THOC5: variants seen among roughly 807,000 people sequenced by gnomAD.
THOC5 encodes THO complex subunit 5.
THOC5 carries 43 observed loss-of-function variants against 92.9 expected under a neutral mutation model. The ratio of observed to expected loss-of-function variants is 0.46; its 90% confidence interval spans 0.36 to 0.60. The LOEUF (loss-of-function observed/expected upper bound fraction) is 0.60, where lower values mean the gene tolerates loss of function less well. THOC5 is among the 20% of genes least tolerant of loss of function. The pLI, the probability that THOC5 is intolerant of heterozygous loss-of-function variation, is 0.00. For synonymous variants in THOC5, 296 were observed against 320.1 expected, an observed-to-expected ratio of 0.92 and a Z score of 0.80; for missense variants, 659 against 849.4, an observed-to-expected ratio of 0.78 and a Z score of 2.79.
rs74733154 is a variant in THOC5 at position 29,525,349 on chromosome 22, T to G, written c.1175+489A>C. ...GGGATGCGATGATGGCTGTCATTAC[T>G]GTGCCTCTGCTCACTCTTCTCAAAA... On this transcript the variant is annotated intron_variant, in intron 12 of 19. Transcript: ENST00000490103. Among the ~76,000 whole-genome samples, 1,305 of 152,258 alleles carry G rather than the reference T, an allele frequency of 8.6e-3. 14 individuals are homozygous for G. The highest frequency in any genetic ancestry group is 0.03 in the African/African-American group (1,254 of 41,540).
intron 6 of THOC5, among the ~76,000 whole-genome samples, chr22:29,539,109 C>CAAAA (rs373724250): frequency 2.7e-5 from 1 of 36,824 alleles, no homozygotes; most frequent in Non-Finnish European, 5.5e-5. Flanking sequence ...GACTCCATCT[C>CAAAA]AAAAAAAAAA....
intron 9 of THOC5, chr22:29,528,860 C>A: frequency 2.0e-6 from 1 of 504,596 alleles, no homozygotes; most frequent in East Asian, 3.4e-5. Context: ...CTTATTTAAT[C>A]CACATAACAA....
chr22:29,544,592 G>A lies in THOC5; in HGVS notation c.108C>T (p.Tyr36=), dbSNP rs2063975425. 1 of 1,611,370 alleles carries A rather than the reference G, an allele frequency of 6.2e-7. No homozygotes were observed. The highest frequency in any genetic ancestry group is 1.3e-5 in the African/African-American group (1 of 74,794). ...NRSDTEQEGK[Y]YSEEAEVDLR... is the part of the protein sequence containing the mutation. ...GATCCACCTCGGCCTCCTCACTGTA[G>A]TATTTACCTTCCTGTAGAGGTAAGG... Residue 36 remains tyrosine (Y), a synonymous_variant, in exon 3 of 20, where the codon TAC becomes TAT. Coordinates refer to ENST00000490103, the MANE Select transcript of THOC5 (RefSeq NM_003678.5).
chr22:29,545,479 C>T (rs927651636), intron 2 of THOC5, among the ~76,000 whole-genome samples: 2 of 152,250 alleles, frequency 1.3e-5, no homozygotes, highest in East Asian at 1.9e-4. Context: ...AAGCCCCTTC[C>T]GCCTATGAGC....
intron 2 of THOC5, among the ~76,000 whole-genome samples, chr22:29,546,506 T>G (rs1396024684): frequency 6.6e-6 from 1 of 152,110 alleles, no homozygotes; most frequent in African/African-American, 2.4e-5. Flanking sequence ...CTCAGTTCAC[T>G]GCAACCTCTG....
rs2063974515 is a variant in THOC5, at chr22:29,544,563, C to T, written c.137G>A (p.Arg46Gln). The change falls in exon 3 of 20, where the codon CGG becomes CAG. Residue 46 changes from arginine (R) to glutamine (Q), a missense_variant. By Grantham distance (43) the Arg-to-Gln change is conservative. Coordinates refer to ENST00000490103, the MANE Select transcript of THOC5 (RefSeq NM_003678.5). ...YYSEEAEVDL[R>Q]DPGRDYELYK... ...TAACTCATAGTCTCTGCCAGGGTCC[C>T]GCAGATCCACCTCGGCCTCCTCACT... is the stretch of plus-strand genomic sequence containing the variant. 12 of 1,613,628 alleles carry T rather than the reference C, an allele frequency of 7.4e-6. No homozygotes were observed. Among genetic ancestry groups the T allele is most frequent in the East Asian group, 2.2e-5 (1 of 44,842 alleles).
At chr22:29,529,333 T>A in intron 8 of THOC5, 94 bp from the exon 9 acceptor site, 2 of 1,287,102 alleles carry the variant, frequency 1.6e-6, no homozygotes, top group Non-Finnish European at 2.2e-6. Flanking sequence ...TTCTCCCACC[T>A]CTGCCCAGCT....
At chr22:29,520,755 C>T (rs538220494) in intron 13 of THOC5, among the ~76,000 whole-genome samples, 1 of 152,354 alleles carries the variant, frequency 6.6e-6, no homozygotes, top group South Asian at 2.1e-4. Flanking sequence ...TTTGGCCTTC[C>T]AAAGTGCTGG....
At chr22:29,516,372 G>T (rs1326723671) in intron 17 of THOC5, among the ~76,000 whole-genome samples, 2 of 152,194 alleles carry the variant, frequency 1.3e-5, no homozygotes, top group African/African-American at 4.8e-5. Context: ...AAAGAGTTCA[G>T]CCTTTCCTTA....
At chr22:29,515,663 CAAA>C (rs202113737) in intron 17 of THOC5, among the ~76,000 whole-genome samples, 54 of 55,194 alleles carry the variant, frequency 9.8e-4, no homozygotes, top group African/African-American at 3.2e-3. Context: ...CTTATCTCTA[CAAA>C]AAAAAAAAAA....
chr22:29,528,474 C>A lies in THOC5; in HGVS notation c.926-8G>T, dbSNP rs1178088363. The A allele has an allele frequency of 1.1e-5, 17 of 1,612,936 alleles. No homozygotes were observed. The highest frequency in any genetic ancestry group is 1.4e-5 in the Non-Finnish European group (17 of 1,180,016). ...CTGAGTCACTCTCGTCATCTGCAGC[C>A]ACAGAGAGAAGGCAGCTAGAGGTGA... On this transcript the variant is annotated splice_region_variant and splice_polypyrimidine_tract_variant and intron_variant, in intron 9 of 19. Coordinates refer to ENST00000490103, the MANE Select transcript of THOC5 (RefSeq NM_003678.5).
chr22:29,520,865 CA>C (rs1347014952), intron 13 of THOC5, 132 bp downstream of exon 13: 1 of 696,290 alleles, frequency 1.4e-6, no homozygotes, highest in Non-Finnish European at 2.6e-6. Flanking sequence ...AAAGAACAAA[CA>C]TTTCCTTCTA....
At chr22:29,511,054 C>G in intron 19 of THOC5, 52 bp downstream of exon 19, 1 of 1,571,922 alleles carries the variant, frequency 6.4e-7, no homozygotes, top group Non-Finnish European at 8.7e-7. Context: ...TGGCTCTGAT[C>G]TCTGTCCCAC....
chr22:29,510,546 C>T (rs1569204882), intron 19 of THOC5, among the ~76,000 whole-genome samples: 2 of 152,118 alleles, frequency 1.3e-5, no homozygotes, highest in Non-Finnish European at 2.9e-5. Context: ...TGCAAGGCTA[C>T]AGTGGGCTAT....
chr22:29,525,751 A>G, intron 12 of THOC5, 87 bp downstream of exon 12: 1 of 1,064,306 alleles, frequency 9.4e-7, no homozygotes, highest in Non-Finnish European at 1.4e-6. Flanking sequence ...CTCCAGAGCC[A>G]GAGGGAGGAA....
chr22:29,526,463 T>C (rs1425901801), intron 11 of THOC5, among the ~76,000 whole-genome samples: 4 of 149,446 alleles, frequency 2.7e-5, no homozygotes, highest in Admixed American at 2.0e-4. Flanking sequence ...ACCCAGGAGG[T>C]GGAGCTTGCA....
At chr22:29,526,349 A>G (rs551599259) in intron 11 of THOC5, among the ~76,000 whole-genome samples, 12 of 152,076 alleles carry the variant, frequency 7.9e-5, no homozygotes, top group Admixed American at 2.0e-4. Flanking sequence ...TGGCTAACAC[A>G]GTGAAACCCC....
In THOC5 at chr22:29,549,048, T is replaced by C; in HGVS notation, c.96+4A>G. On this transcript the variant is annotated splice_donor_region_variant and intron_variant, in intron 2 of 19. Transcript: ENST00000490103. ...AGCAGCATGGCAACCCTGACTGATC[T>C]CACCTGCTCGGTGTCAGATCGATTC... is the stretch of plus-strand genomic sequence containing the variant. 6.2e-7 allele frequency: 1 copy of C among 1,613,838 alleles called. No individual in the cohort carries two copies. Among genetic ancestry groups the C allele is most frequent in the African/African-American group, 1.3e-5 (1 of 75,028 alleles).
chr22:29,532,754 G>A (rs921375453), intron 7 of THOC5, among the ~76,000 whole-genome samples: 4 of 152,164 alleles, frequency 2.6e-5, no homozygotes, highest in African/African-American at 9.7e-5. Context: ...GAGGCAGGTG[G>A]ATCACCTGAG....
Sources: allele counts gnomAD v4.1 joint callset (sites outside exome capture counted in the v4.1 genomes callset), GRCh38; gene constraint gnomAD v4.1.1; transcripts MANE v1.5; gene names NCBI Gene and HGNC (gene_info 2026-07-23, HGNC 2026-07-21).